The following PAPLN variants were observed in gnomAD, a reference collection of about 807,000 sequenced individuals.
PAPLN encodes the protein papilin.
Under a neutral mutation model 159.0 loss-of-function variants are expected in PAPLN, and 146 were observed. The ratio of observed to expected loss-of-function variants is 0.92; its 90% CI spans 0.80 to 1.05. The LOEUF is 1.05. PAPLN is among the 50% of genes least tolerant of loss of function. The probability of loss-of-function intolerance (pLI) is 0.00; values close to 1 mark genes in which losing one functional copy is unlikely to be tolerated. For synonymous variants in PAPLN, 734 were observed against 702.9 expected (o/e 1.04, Z -0.70); for missense variants, 1,720 against 1,743.9 (o/e 0.99, Z 0.24).
chr14:73,250,668 G>A (rs1885143318), intron 6 of PAPLN, among the ~76,000 whole-genome samples: 1 of 152,090 alleles, frequency 6.6e-6, no homozygotes, highest in African/African-American at 2.4e-5. Context: ...CAAACTCTGC[G>A]GGAGAGAGGT....
chr14:73,266,241 G>T (rs958898442), intron 23 of PAPLN, among the ~76,000 whole-genome samples: 1 of 152,180 alleles, frequency 6.6e-6, no homozygotes, highest in Non-Finnish European at 1.5e-5. Flanking sequence ...GGGAGGCTGA[G>T]GGAGAATTGC....
chr14:73,250,831 G>A (rs1467819651), intron 6 of PAPLN, 76 bp from the exon 7 acceptor site: 4 of 1,502,046 alleles, frequency 2.7e-6, no homozygotes, highest in Non-Finnish European at 3.5e-6. Context: ...GGGTGCTGGG[G>A]TTAGGATGCG....
chr14:73,254,712 C>T lies in PAPLN; in HGVS notation c.1485+17C>T. ...TGGGGTCTAGTGAGTGCTCTCCACC[C>T]CCACACCTGCTGCCTGACCCTGGTC... On this transcript the variant is annotated intron_variant, in intron 13 of 26. Transcript: ENST00000644200. The T allele has an allele frequency of 3.7e-6, 6 of 1,609,874 alleles. No homozygotes were observed. The highest frequency in any genetic ancestry group is 1.7e-5 in the Admixed American group (1 of 59,774).
intron 14 of PAPLN, among the ~76,000 whole-genome samples, chr14:73,255,669 G>A (rs949111509): frequency 1.3e-5 from 2 of 152,180 alleles, no homozygotes; most frequent in African/African-American, 4.8e-5. Context: ...GCTGGGGATG[G>A]GGGTGGGTGG....
intron 5 of PAPLN, 138 bp from the exon 6 acceptor site, chr14:73,249,846 G>A (rs1885036399): frequency 2.2e-6 from 2 of 915,736 alleles, no homozygotes; most frequent in African/African-American, 3.4e-5. Context: ...CCTGGGGATG[G>A]GGCGGGGATC....
intron 11 of PAPLN, 81 bp downstream of exon 11, chr14:73,252,856 AG>A: frequency 6.3e-7 from 1 of 1,580,238 alleles, no homozygotes; most frequent in Admixed American, 1.7e-5. Context: ...AAGCTGCTTT[AG>A]GTGTAGAACA....
Position 73,246,067 on chromosome 14 carries a change from C to A in PAPLN, c.232-6C>A. On this transcript the variant is annotated splice_polypyrimidine_tract_variant and splice_region_variant and intron_variant, in intron 4 of 26. Transcript: ENST00000644200. Reference sequence around the variant, plus strand: ...CCTGGATCCCGACTTCCCCTCCGCCCCGCAGAGCTGCCCCGACGGCGCCCG... The same window carrying A: ...CCTGGATCCCGACTTCCCCTCCGCCACGCAGAGCTGCCCCGACGGCGCCCG... The A allele has an allele frequency of 1.3e-6, 2 of 1,536,246 alleles. No individual in the cohort carries two copies. The highest frequency in any genetic ancestry group is 1.7e-6 in the Non-Finnish European group (2 of 1,145,628).
chr14:73,270,846 C>CATT (rs1459191482), intron 26 of PAPLN, among the ~76,000 whole-genome samples: 1 of 152,154 alleles, frequency 6.6e-6, no homozygotes, highest in Admixed American at 6.5e-5. Flanking sequence ...CTCACCTGTT[C>CATT]ATTTTTTGTT....
chr14:73,257,883 C>T (rs900265804), intron 14 of PAPLN, among the ~76,000 whole-genome samples: 10 of 150,646 alleles, frequency 6.6e-5, no homozygotes, highest in South Asian at 4.2e-4. Context: ...CCTGCCTTAG[C>T]GTCCTGAGTA....
intron 2 of PAPLN, chr14:73,242,617 G>C (rs1404068014): frequency 2.0e-5 from 3 of 152,204 alleles, no homozygotes; most frequent in Admixed American, 2.0e-4. Flanking sequence ...TCAACACTCA[G>C]TGTCTTCCTT....
chr14:73,268,643 A>G lies in PAPLN; in HGVS notation c.3587A>G (p.Asp1196Gly). Reference protein sequence around the residue: ...TLLIYNLRARDEGSYTCSAYQ... With the variant: ...TLLIYNLRARGEGSYTCSAYQ... ...CTCATTTACAACTTGCGGGCCAGGG[A>G]TGAGGGCTCCTACACGTGCAGTGCC... Residue 1196 changes from aspartate (D) to glycine (G), a missense_variant, in exon 26 of 27, where the codon GAT (aspartate) becomes GGT (glycine). Asp to Gly is a moderately conservative substitution (Grantham distance 94). Coordinates refer to ENST00000644200, the MANE Select transcript of PAPLN (RefSeq NM_001365906.3). 6.2e-7 allele frequency: 1 copy of G among 1,614,014 alleles called. No homozygotes were observed. The highest frequency in any genetic ancestry group is 8.5e-7 in the Non-Finnish European group (1 of 1,179,966).
At chr14:73,246,397 ATTTTTTTTTTTTTTTTTTTT>A (rs531973214) in intron 5 of PAPLN, among the ~76,000 whole-genome samples, 3 of 84,648 alleles carry the variant, frequency 3.5e-5, no homozygotes, top group African/African-American at 1.3e-4. Flanking sequence ...TACCCGACCA[ATTTTTTTTTTTTTTTTTTTT>A]TTTTTTTTTG....
intron 14 of PAPLN, among the ~76,000 whole-genome samples, chr14:73,255,726 C>T (rs538834886): frequency 1.3e-5 from 2 of 152,218 alleles, no homozygotes; most frequent in East Asian, 1.9e-4. Context: ...TTGACTCACT[C>T]GTGATGGGGA....
chr14:73,264,246 A>G lies in PAPLN; in HGVS notation c.2897A>G (p.His966Arg). The G allele has an allele frequency of 1.9e-6, 3 of 1,613,112 alleles. No homozygotes were observed. The highest frequency in any genetic ancestry group is 2.5e-6 in the Non-Finnish European group (3 of 1,179,804). ...RLQFDGSLII[H>R]PLQAEDAGTY... is the part of the protein sequence containing the mutation. ...CAGTTCGACGGATCCCTGATCATCCACCCCCTGCAGGCAGAGGACGCGGGC... is the reference window on the plus strand; with the variant it reads ...CAGTTCGACGGATCCCTGATCATCCGCCCCCTGCAGGCAGAGGACGCGGGC... The change falls in exon 21 of 27, where the codon CAC (histidine) becomes CGC (arginine). Residue 966 changes from histidine (H) to arginine (R), a missense_variant. Transcript: ENST00000644200.
In PAPLN at chr14:73,259,006, C is replaced by G; in HGVS notation, c.1655C>G (p.Thr552Ser). 1.2e-6 allele frequency: 2 copies of G among 1,612,742 alleles called. No individual in the cohort carries two copies. Among genetic ancestry groups the G allele is most frequent in the African/African-American group, 1.3e-5 (1 of 75,048 alleles). ...GTCCCCAGCATGCAGGATGTGCACA[C>G]CCCTGCCAGCAACCCCTGGATGCCG... The part of the protein sequence containing the change: ...QEVPSMQDVH[T>S]PASNPWMPLG... Residue 552 changes from threonine to serine, a missense_variant, in exon 15 of 27, where the codon ACC (threonine) becomes AGC (serine). Thr to Ser is a moderately conservative substitution (Grantham distance 58). Transcript: ENST00000644200.
intron 14 of PAPLN, among the ~76,000 whole-genome samples, chr14:73,258,059 C>T (rs12587806): frequency 0.2 from 30,898 of 152,098 alleles, 3,724 homozygotes; most frequent in East Asian, 0.5. Flanking sequence ...GCCCGTGCTT[C>T]GCTCATTATC....
chr14:73,271,901 G>A (rs532402665), intron 26 of PAPLN, among the ~76,000 whole-genome samples: 13 of 152,240 alleles, frequency 8.5e-5, no homozygotes, highest in Non-Finnish European at 1.6e-4. Context: ...GTTAGTATTA[G>A]AGCCACCGTT....
chr14:73,260,269 C>T (rs1886410726), intron 16 of PAPLN, among the ~76,000 whole-genome samples: 1 of 152,172 alleles, frequency 6.6e-6, no homozygotes, highest in South Asian at 2.1e-4. Flanking sequence ...GGCACCCTCC[C>T]TCCTTTCACC....
chr14:73,259,531 CT>C lies in PAPLN; in HGVS notation c.1972del (p.Cys658ValfsTer144), dbSNP rs1886323830. 3.2e-6 allele frequency: 5 copies of C among 1,579,396 alleles called. No individual in the cohort carries two copies. Among genetic ancestry groups the C allele is most frequent in the Admixed American group, 3.5e-5 (2 of 56,382 alleles). On this transcript the variant is annotated frameshift_variant, in exon 16 of 27. Coordinates refer to ENST00000644200, the MANE Select transcript of PAPLN (RefSeq NM_001365906.3). LOFTEE classifies it high-confidence loss of function. Reference sequence around the variant, plus strand: ...AGTGGCAAGGCTGCCCTGGGGCCCCCTGTCAGCAGAGCAGGTGGGTGCTGGA... The same window carrying C: ...AGTGGCAAGGCTGCCCTGGGGCCCCCGTCAGCAGAGCAGGTGGGTGCTGGA... ...PQWQGCPGAP[C>X]QQSRYGCCPD...
Sources: allele counts gnomAD v4.1 joint callset (sites outside exome capture counted in the v4.1 genomes callset), GRCh38; gene constraint gnomAD v4.1.1; transcripts MANE v1.5; gene names NCBI Gene and HGNC (gene_info 2026-07-23, HGNC 2026-07-21).